AKR7A2: variants seen among roughly 807,000 people sequenced by gnomAD.
AKR7A2 encodes aflatoxin B1 aldehyde reductase member 2.
In AKR7A2, 29 loss-of-function variants were observed where a neutral mutation model predicts 37.3. The ratio of observed to expected loss-of-function variants is 0.78; its 90% confidence interval spans 0.58 to 1.06. The LOEUF (loss-of-function observed/expected upper bound fraction) is 1.06, where lower values mean the gene tolerates loss of function less well. AKR7A2 is among the 50% of genes least tolerant of loss of function. AKR7A2 has a pLI of 0.00. For missense variants in AKR7A2, 529 were observed against 497.9 expected, an observed-to-expected ratio of 1.06 and a Z score of -0.59; for synonymous variants, 228 against 217.8, an observed-to-expected ratio of 1.05 and a Z score of -0.41.
At chr1:19,310,821 G>A (rs2093772463) in intron 1 of AKR7A2, among the ~76,000 whole-genome samples, 1 of 152,112 alleles carries the variant, frequency 6.6e-6, no homozygotes, top group South Asian at 2.1e-4. Flanking sequence ...CAGGGGTGGG[G>A]AGCAACAGCC....
chr1:19,310,912 CCAAGGGCTAT>C (rs2093772872), intron 1 of AKR7A2, among the ~76,000 whole-genome samples: 1 of 152,106 alleles, frequency 6.6e-6, no homozygotes, highest in South Asian at 2.1e-4. Context: ...AGGCACCCTC[CCAAGGGCTAT>C]CAAGGGCACC....
Position 19,308,581 on chromosome 1 carries a change from C to A in AKR7A2, c.360G>T (p.Arg120=). ...DGKSLKPDSV[R]SQLETSLKRL... is the part of the protein sequence containing the mutation. ...TCTTCAATGACGTCTCCAGCTGGGA[C>A]CGGACACTGTCAGGCTTTAGTGATT... Residue 120 remains arginine, a synonymous_variant, in exon 2 of 7, where the codon CGG becomes CGT. Coordinates refer to ENST00000235835, the MANE Select transcript of AKR7A2 (RefSeq NM_003689.4). 6.2e-7 allele frequency: 1 copy of A among 1,614,178 alleles called. No homozygotes were observed. The highest frequency in any genetic ancestry group is 8.5e-7 in the Non-Finnish European group (1 of 1,180,032).
rs370144404 is a variant in AKR7A2 at position 19,311,859 on chromosome 1, A to C, written c.266T>G (p.Leu89Arg). 1.2e-6 allele frequency: 2 copies of C among 1,610,528 alleles called. No individual in the cohort carries two copies. The highest frequency in any genetic ancestry group is 1.7e-6 in the Non-Finnish European group (2 of 1,179,530). The change falls in exon 1 of 7, where the codon CTG becomes CGG. Residue 89 changes from leucine to arginine, a missense_variant. By Grantham distance (102) the Leu-to-Arg change is moderately radical. Transcript: ENST00000235835. ...DGQSETILGG[L>R]GLGLGGGDCR... is the part of the protein sequence containing the mutation. The stretch of plus-strand genomic sequence containing the variant: ...GTCGCCACCGCCCAGCCCGAGCCCC[A>C]GGCCGCCCAGGATGGTCTCGGACTG...
Position 19,307,025 on chromosome 1 carries a change from G to A in AKR7A2, c.765C>T (p.Ser255=), listed in dbSNP as rs769953755. Residue 255 remains serine, a synonymous_variant, in exon 5 of 7, where the codon AGC becomes AGT. Coordinates refer to ENST00000235835, the MANE Select transcript of AKR7A2 (RefSeq NM_003689.4). ...ACCGATTCCTGTAGGTCTCAGCCCA[G>A]CTATTCCCAAAGAAGCGGCCCACAG... The part of the protein sequence containing the change: ...KQPVGRFFGN[S]WAETYRNRFW... The A allele has an allele frequency of 3.1e-6, 5 of 1,614,110 alleles. No homozygotes were observed. The highest frequency in any genetic ancestry group is 3.3e-5 in the Admixed American group (2 of 60,030).
intron 3 of AKR7A2, 34 bp downstream of exon 3, chr1:19,308,124 T>A (rs1215834485): frequency 1.2e-6 from 2 of 1,613,426 alleles, no homozygotes; most frequent in Admixed American, 3.3e-5. Context: ...GCAGGAGTCC[T>A]GGAGACCTTG....
rs1298485626 is a variant in AKR7A2 at position 19,304,237 on chromosome 1, G to C, written c.1068C>G (p.Asn356Lys). ...AGCCATGATGGGCCTAGCGGAAGTAGTTGGGACATTCGTGAGCAACCAAAT... is the reference window on the plus strand; with the variant it reads ...AGCCATGATGGGCCTAGCGGAAGTACTTGGGACATTCGTGAGCAACCAAAT... ...AWHLVAHECP[N>K]YFR is the part of the protein sequence containing the mutation. Residue 356 changes from asparagine (N) to lysine (K), a missense_variant, in exon 7 of 7, where the codon AAC becomes AAG. Coordinates refer to ENST00000235835, the MANE Select transcript of AKR7A2 (RefSeq NM_003689.4). 32 of 1,614,110 alleles carry C rather than the reference G, an allele frequency of 2.0e-5. No homozygotes were observed. Among genetic ancestry groups the C allele is most frequent in the Non-Finnish European group, 2.6e-5 (31 of 1,180,056 alleles).
chr1:19,311,728 G>C, intron 1 of AKR7A2, 99 bp downstream of exon 1: 2 of 1,493,840 alleles, frequency 1.3e-6, no homozygotes, highest in Non-Finnish European at 1.8e-6. Context: ...GGACGAATCC[G>C]TCGGTGCTGC....
chr1:19,311,859 AG>A lies in AKR7A2; in HGVS notation c.265del (p.Leu89TrpfsTer12), dbSNP rs2093777050. On this transcript the variant is annotated frameshift_variant, in exon 1 of 7. Transcript: ENST00000235835. LOFTEE classifies it high-confidence loss of function. ...GTCGCCACCGCCCAGCCCGAGCCCC[AG>A]GCCGCCCAGGATGGTCTCGGACTGG... The part of the protein sequence containing the change: ...DGQSETILGG[L>X]GLGLGGGDCR... 6.2e-7 allele frequency: 1 copy of A among 1,610,410 alleles called. No homozygotes were observed. Among genetic ancestry groups the A allele is most frequent in the Non-Finnish European group, 8.5e-7 (1 of 1,179,538 alleles).
intron 5 of AKR7A2, 43 bp downstream of exon 5, chr1:19,306,959 G>T: frequency 6.4e-7 from 1 of 1,554,732 alleles, no homozygotes; most frequent in South Asian, 1.1e-5. Flanking sequence ...ACATAGATTT[G>T]ACCCCACCCC....
rs2093763249 is a variant in AKR7A2 at position 19,307,218 on chromosome 1, C to T, written c.688+96G>A. ...CCAGGAGGGGCTGAAGAACACAGCCCAGCCTCTTGTCAAACCCTCCCTGCT... is the reference window on the plus strand; with the variant it reads ...CCAGGAGGGGCTGAAGAACACAGCCTAGCCTCTTGTCAAACCCTCCCTGCT... On this transcript the variant is annotated intron_variant, in intron 4 of 6. Transcript: ENST00000235835. The T allele has an allele frequency of 2.5e-6, 4 of 1,598,964 alleles. No homozygotes were observed. In the South Asian group the frequency reaches 4.4e-5, roughly 18 times the overall value.
chr1:19,309,919 T>C (rs1173027041), intron 1 of AKR7A2, among the ~76,000 whole-genome samples: 1 of 151,762 alleles, frequency 6.6e-6, no homozygotes, highest in African/African-American at 2.4e-5. Flanking sequence ...CTACTAAAAA[T>C]ACAAAAATTA....
chr1:19,311,691 CGGGGTGGACCT>C, intron 1 of AKR7A2, 125 bp downstream of exon 1: 1 of 1,086,900 alleles, frequency 9.2e-7, no homozygotes, highest in Non-Finnish European at 1.3e-6. Context: ...CCCAGAGCTG[CGGGGTGGACCT>C]GGGGTGGGGA....
intron 3 of AKR7A2, 21 bp downstream of exon 3, chr1:19,308,137 C>T (rs2093765268): frequency 6.2e-7 from 1 of 1,613,018 alleles, no homozygotes; most frequent in Admixed American, 1.7e-5. Context: ...AGACCTTGGC[C>T]TCTGCAGCCC....
chr1:19,307,672 G>A, intron 3 of AKR7A2: 1 of 570,556 alleles, frequency 1.8e-6, no homozygotes, highest in East Asian at 3.0e-5. Context: ...CAAAATCCCT[G>A]CTTCCAGGAG....
chr1:19,304,068 A>C lies in AKR7A2; in HGVS notation c.*157T>G. ...CTCACCCCCCACCTTTCACAGTGTA[A>C]AGTGAATAGGGAGCAAGGCAGGAAG... On this transcript the variant is annotated 3_prime_UTR_variant, in exon 7 of 7. Coordinates refer to ENST00000235835, the MANE Select transcript of AKR7A2 (RefSeq NM_003689.4). The C allele has an allele frequency of 8.0e-7, 1 of 1,251,602 alleles. No individual in the cohort carries two copies. The highest frequency in any genetic ancestry group is 1.1e-6 in the Non-Finnish European group (1 of 874,502). The allele number at this position is 1,251,602 out of a possible 1,614,324, so 77.5% of individuals were successfully genotyped here.
intron 6 of AKR7A2, among the ~76,000 whole-genome samples, chr1:19,304,716 A>T (rs994237781): frequency 6.6e-6 from 1 of 152,164 alleles, no homozygotes; most frequent in Non-Finnish European, 1.5e-5. Flanking sequence ...TGGGAAGAAC[A>T]CTTGAGCCAA....
chr1:19,309,083 G>A (rs1050450007), intron 1 of AKR7A2, among the ~76,000 whole-genome samples: 1 of 152,202 alleles, frequency 6.6e-6, no homozygotes, highest in Non-Finnish European at 1.5e-5. Flanking sequence ...CAGAGTCCCA[G>A]CCAACAAGGA....
chr1:19,311,766 C>G (rs2093776564), intron 1 of AKR7A2, 61 bp downstream of exon 1: 1 of 1,600,890 alleles, frequency 6.2e-7, no homozygotes, highest in Admixed American at 1.7e-5. Flanking sequence ...CGGGGTGGTG[C>G]ACGGCTGGGG....
chr1:19,303,666 A>T (rs928577674), downstream of AKR7A2, among the ~76,000 whole-genome samples: 1 of 152,238 alleles, frequency 6.6e-6, no homozygotes, highest in African/African-American at 2.4e-5. Flanking sequence ...CTCTAATGGT[A>T]GTTTCTTTGT....
Sources: gnomAD v4.1 joint callset for allele counts (sites outside exome capture counted in the v4.1 genomes callset) on GRCh38, gnomAD v4.1.1 for gene constraint, MANE v1.5 for transcripts, NCBI Gene and HGNC (gene_info 2026-07-23, HGNC 2026-07-21) for gene names.